The following MSRB3 variants were observed in gnomAD, a reference collection of about 807,000 sequenced individuals.
The protein encoded by MSRB3 is methionine sulfoxide reductase B3, also known as methionine-R-sulfoxide reductase B3.
A neutral mutation model predicts 21.0 loss-of-function variants in MSRB3; 13 were observed. The ratio of observed to expected loss-of-function variants is 0.62; its 90% CI spans 0.40 to 0.98. The LOEUF (loss-of-function observed/expected upper bound fraction) is 0.98. Ranked by LOEUF, MSRB3 falls within the 50% of genes least tolerant of loss-of-function variation. The probability of loss-of-function intolerance (pLI) is 0.00; values close to 1 mark genes in which losing one functional copy is unlikely to be tolerated. For synonymous variants in MSRB3, 87 were observed against 88.6 expected (o/e 0.98, Z 0.10); for missense variants, 199 against 230.3 (o/e 0.86, Z 0.88).
At chr12:65,291,143 T>G (rs1427956649) in intron 1 of MSRB3, among the ~76,000 whole-genome samples, 1 of 152,018 alleles carries the variant, frequency 6.6e-6, no homozygotes, top group Non-Finnish European at 1.5e-5. Flanking sequence ...TGGAGTGCAG[T>G]GGCACGATCT....
intron 5 of MSRB3, among the ~76,000 whole-genome samples, chr12:65,451,875 G>A (rs1486502358): frequency 1.3e-5 from 2 of 152,152 alleles, no homozygotes; most frequent in African/African-American, 4.8e-5. Context: ...TTTGAGTTGT[G>A]CCTTTGTACT....
At chr12:65,313,595 C>T (rs535962844) in intron 2 of MSRB3, among the ~76,000 whole-genome samples, 1 of 152,210 alleles carries the variant, frequency 6.6e-6, no homozygotes, top group East Asian at 1.9e-4. Context: ...TTCAGGACCT[C>T]TGTTCTAAAA....
chr12:65,400,525 G>A (rs1880066271), intron 5 of MSRB3, among the ~76,000 whole-genome samples: 1 of 151,908 alleles, frequency 6.6e-6, no homozygotes, highest in African/African-American at 2.4e-5. Flanking sequence ...TCAGGCTAGT[G>A]GTCTATCTAT....
At chr12:65,326,167 G>A (rs1297557690) in intron 2 of MSRB3, among the ~76,000 whole-genome samples, 1 of 152,100 alleles carries the variant, frequency 6.6e-6, no homozygotes, top group African/African-American at 2.4e-5. Context: ...TTCTCCTGTA[G>A]TTTATTGAAA....
chr12:65,395,760 G>T (rs1592596651), intron 5 of MSRB3, among the ~76,000 whole-genome samples: 1 of 152,148 alleles, frequency 6.6e-6, no homozygotes, highest in South Asian at 2.1e-4. Flanking sequence ...TAAGGAGTTT[G>T]TTCATTTTAT....
chr12:65,391,741 A>AT (rs1879493734), intron 5 of MSRB3, among the ~76,000 whole-genome samples: 1 of 152,222 alleles, frequency 6.6e-6, no homozygotes. Flanking sequence ...TTCACTAAAT[A>AT]TTTTTAACCT....
chr12:65,317,074 A>C (rs879689816), intron 2 of MSRB3, among the ~76,000 whole-genome samples: 53 of 152,166 alleles, frequency 3.5e-4, no homozygotes, highest in South Asian at 8.3e-4. Context: ...GGCTGCAGAC[A>C]AGAGAACCTG....
At chr12:65,462,006 C>T (rs1207416757) in intron 6 of MSRB3, among the ~76,000 whole-genome samples, 1 of 152,136 alleles carries the variant, frequency 6.6e-6, no homozygotes, top group Non-Finnish European at 1.5e-5. Flanking sequence ...CACTTGTTTT[C>T]TTGTGTACTG....
At chr12:65,328,707 T>C in intron 4 of MSRB3, 104 bp downstream of exon 4, 1 of 816,622 alleles carries the variant, frequency 1.2e-6, no homozygotes, top group Non-Finnish European at 2.1e-6. Context: ...TTTTCTTCTG[T>C]TTGTTTTTCT....
intron 5 of MSRB3, among the ~76,000 whole-genome samples, chr12:65,405,741 C>CT (rs1880378687): frequency 6.6e-6 from 1 of 152,082 alleles, no homozygotes; most frequent in South Asian, 2.1e-4. Flanking sequence ...CTTACCAACA[C>CT]TTTTATCTTT....
intron 5 of MSRB3, among the ~76,000 whole-genome samples, chr12:65,410,659 G>A (rs928727573): frequency 1.3e-5 from 2 of 152,020 alleles, no homozygotes; most frequent in African/African-American, 2.4e-5. Flanking sequence ...AGAAACCCCA[G>A]CTCAGCAACT....
intron 2 of MSRB3, among the ~76,000 whole-genome samples, chr12:65,322,248 A>G (rs1396112165): frequency 6.6e-6 from 1 of 152,168 alleles, no homozygotes; most frequent in Non-Finnish European, 1.5e-5. Context: ...AACTTTTCTG[A>G]TGTACTGAGG....
chr12:65,407,964 T>A (rs1880508977), intron 5 of MSRB3, among the ~76,000 whole-genome samples: 1 of 152,186 alleles, frequency 6.6e-6, no homozygotes, highest in African/African-American at 2.4e-5. Flanking sequence ...GTTGCTTTTT[T>A]TTTTTCCATT....
chr12:65,347,259 A>C (rs897986790), intron 4 of MSRB3, among the ~76,000 whole-genome samples: 15 of 151,744 alleles, frequency 9.9e-5, no homozygotes, highest in East Asian at 1.9e-4. Flanking sequence ...CTTTTATTTC[A>C]TTGAGCAGTG....
chr12:65,328,797 G>A (rs1192400803), intron 4 of MSRB3, among the ~76,000 whole-genome samples, 194 bp downstream of exon 4: 1 of 152,154 alleles, frequency 6.6e-6, no homozygotes, highest in Admixed American at 6.5e-5. Context: ...GGCTGATTTT[G>A]CACTACTTGG....
At chr12:65,333,965 A>G (rs1448260735) in intron 4 of MSRB3, among the ~76,000 whole-genome samples, 1 of 152,248 alleles carries the variant, frequency 6.6e-6, no homozygotes, top group Non-Finnish European at 1.5e-5. Context: ...GTAAGCCATA[A>G]CAGTGCACAA....
intron 5 of MSRB3, among the ~76,000 whole-genome samples, chr12:65,403,065 G>T (rs2136607507): frequency 6.6e-6 from 1 of 152,330 alleles, no homozygotes; most frequent in Admixed American, 6.5e-5. Flanking sequence ...GTGTCTCCCA[G>T]TCAGGAGGCA....
intron 2 of MSRB3, among the ~76,000 whole-genome samples, chr12:65,311,839 G>A (rs1271377146): frequency 6.6e-6 from 1 of 152,004 alleles, no homozygotes; most frequent in Non-Finnish European, 1.5e-5. Flanking sequence ...TAACTGGATT[G>A]ACCTGCATGA....
At chr12:65,367,715 A>T (rs1268638767) in intron 4 of MSRB3, among the ~76,000 whole-genome samples, 2 of 152,142 alleles carry the variant, frequency 1.3e-5, no homozygotes, top group East Asian at 3.8e-4. Context: ...AAAATGTGAA[A>T]ATGGGTTTGT....
Sources: allele counts gnomAD v4.1 joint callset (sites outside exome capture counted in the v4.1 genomes callset), GRCh38; gene constraint gnomAD v4.1.1; transcripts MANE v1.5; gene names NCBI Gene and HGNC (gene_info 2026-07-23, HGNC 2026-07-21).